ESR2: variants seen among roughly 807,000 people sequenced by gnomAD.
ESR2 encodes estrogen receptor 2.
Under a neutral mutation model 49.6 loss-of-function variants are expected in ESR2, and 36 were observed. The observed-to-expected ratio is 0.73, with a 90% CI of 0.56 to 0.96. The LOEUF (loss-of-function observed/expected upper bound fraction) is 0.96, where lower values mean the gene tolerates loss of function less well. ESR2 is among the 40% of genes least tolerant of loss of function. The pLI is 0.00. For missense variants in ESR2, 714 were observed against 693.0 expected (o/e 1.03, Z -0.34); for synonymous variants, 320 against 266.1 (o/e 1.20, Z -1.97).
chr14:64,236,259 A>C (rs2075596166), intron 7 of ESR2, among the ~76,000 whole-genome samples: 1 of 152,208 alleles, frequency 6.6e-6, no homozygotes, highest in African/African-American at 2.4e-5. Context: ...ATGTCTGATG[A>C]TACGAATTTA....
intron 6 of ESR2, among the ~76,000 whole-genome samples, chr14:64,254,296 C>G (rs1445311553): frequency 6.6e-6 from 1 of 152,080 alleles, no homozygotes; most frequent in Non-Finnish European, 1.5e-5. Context: ...TAATAGAAGT[C>G]TTTATGGAGC....
intron 6 of ESR2, among the ~76,000 whole-genome samples, chr14:64,250,557 T>G (rs1193372634): frequency 6.6e-6 from 1 of 152,210 alleles, no homozygotes; most frequent in East Asian, 1.9e-4. Context: ...TGGAAGTCCT[T>G]GACAAGCAGT....
intron 7 of ESR2, among the ~76,000 whole-genome samples, chr14:64,246,974 T>TCA (rs534946098): frequency 6.6e-6 from 1 of 152,196 alleles, no homozygotes; most frequent in Non-Finnish European, 1.5e-5. Flanking sequence ...CTCTGTACCT[T>TCA]CACATGGCCT....
chr14:64,314,681 C>T (rs1212092722), intron 1 of ESR2, among the ~76,000 whole-genome samples: 2 of 151,344 alleles, frequency 1.3e-5, no homozygotes, highest in East Asian at 3.9e-4. Context: ...AGTTCAAGAC[C>T]AGCCTGGCCA....
intron 1 of ESR2, chr14:64,336,485 C>T (rs1324604146): frequency 6.6e-6 from 1 of 152,120 alleles, no homozygotes. Context: ...ATTACTCTTT[C>T]TTTCACAGAA....
chr14:64,297,679 T>A (rs183723022), upstream of ESR2: 4 of 152,338 alleles, frequency 2.6e-5, no homozygotes, highest in African/African-American at 4.8e-5. Context: ...GAGGGAGAAT[T>A]TTCCGTAGGA....
chr14:64,236,358 CA>C (rs964589282), intron 7 of ESR2, among the ~76,000 whole-genome samples: 7 of 152,196 alleles, frequency 4.6e-5, no homozygotes, highest in Non-Finnish European at 7.3e-5. Context: ...AGAATCCCCC[CA>C]CAGCCTCAAA....
In ESR2 at chr14:64,282,658, C is replaced by T; in HGVS notation, c.328G>A (p.Ala110Thr). 2 of 1,609,430 alleles carry T rather than the reference C, an allele frequency of 1.2e-6. No individual in the cohort carries two copies. Among genetic ancestry groups the T allele is most frequent in the African/African-American group, 1.3e-5 (1 of 74,982 alleles). The change falls in exon 2 of 9, where the codon GCA becomes ACA. Residue 110 changes from alanine to threonine, a missense_variant. Physicochemically the swap from Ala to Thr is moderately conservative, Grantham distance 58. Coordinates refer to ENST00000341099, the MANE Select transcript of ESR2 (RefSeq NM_001437.3). ...AEPQKSPWCE[A>T]RSLEHTLPVN... ...GGTAAGGTGTGTTCTAGCGATCTTG[C>T]TTCACACCAGGGACTCTTTTGAGGT...
chr14:64,260,798 A>C lies in ESR2; in HGVS notation c.653-50T>G, dbSNP rs953635414. ...GAATTGCCAGGGTAAAACCGCAGTC[A>C]AGCAAAAGCAGCTTGACTTTTATTT... is the stretch of plus-strand genomic sequence containing the variant. On this transcript the variant is annotated intron_variant, in intron 4 of 8. Transcript: ENST00000341099. 4 of 1,414,442 alleles carry C rather than the reference A, an allele frequency of 2.8e-6. No individual in the cohort carries two copies. In the African/African-American group the frequency reaches 5.9e-5, roughly 21 times the overall value. The allele number at this position is 1,414,442 out of a possible 1,614,324, so 87.6% of individuals were successfully genotyped here. A position where few individuals can be genotyped will look rare whatever the true frequency, so the allele number is the denominator to read the frequency against.
intron 1 of ESR2, among the ~76,000 whole-genome samples, chr14:64,306,349 T>C (rs1445866323): frequency 6.6e-6 from 1 of 152,250 alleles, no homozygotes; most frequent in Non-Finnish European, 1.5e-5. Flanking sequence ...CACTCCGTCC[T>C]GTCCTTAAAA....
chr14:64,276,565 A>G (rs1326167610), intron 3 of ESR2, among the ~76,000 whole-genome samples: 3 of 152,244 alleles, frequency 2.0e-5, no homozygotes, highest in Non-Finnish European at 4.4e-5. Context: ...ACATCTGTCA[A>G]GAACTTTAAA....
At chr14:64,238,143 G>A (rs991728746) in intron 7 of ESR2, among the ~76,000 whole-genome samples, 8 of 152,146 alleles carry the variant, frequency 5.3e-5, no homozygotes, top group African/African-American at 1.9e-4. Flanking sequence ...TGTGTGCAAC[G>A]AAGTTTCCCC....
At chr14:64,284,194 G>T (rs1225504216) in intron 1 of ESR2, among the ~76,000 whole-genome samples, 1 of 152,042 alleles carries the variant, frequency 6.6e-6, no homozygotes, top group African/African-American at 2.4e-5. Context: ...CTCCCAAAGT[G>T]CTGGGATTAC....
At chr14:64,304,405 G>A (rs2077064041) in intron 1 of ESR2, among the ~76,000 whole-genome samples, 1 of 152,212 alleles carries the variant, frequency 6.6e-6, no homozygotes, top group Non-Finnish European at 1.5e-5. Flanking sequence ...GTAATGATCT[G>A]TGGGGGTCTT....
chr14:64,232,047 GGA>G lies in ESR2; in HGVS notation c.*1088_*1089del, dbSNP rs1256966501. The G allele has an allele frequency of 6.6e-6, 1 of 152,152 alleles. No homozygotes were observed. The highest frequency in any genetic ancestry group is 2.4e-5 in the African/African-American group (1 of 41,426). The allele number at this position is 152,152 out of a possible 1,614,324, so 9.4% of individuals were successfully genotyped here. On this transcript the variant is annotated 3_prime_UTR_variant, in exon 9 of 9. Coordinates refer to ENST00000341099, the MANE Select transcript of ESR2 (RefSeq NM_001437.3). ...ATTATCCCTAAATATTTCTCTTTAA[GGA>G]GAGTTCACAAACTGGGTCTTGTTCA...
intron 1 of ESR2, among the ~76,000 whole-genome samples, chr14:64,313,801 C>T (rs537606511): frequency 2.0e-5 from 3 of 151,010 alleles, no homozygotes; most frequent in African/African-American, 7.3e-5. Flanking sequence ...ATGGCATGAA[C>T]CCAGGAGGTG....
chr14:64,332,419 G>C (rs1299998764), intron 1 of ESR2: 1 of 152,186 alleles, frequency 6.6e-6, no homozygotes, highest in Non-Finnish European at 1.5e-5. Flanking sequence ...AATCTGGATA[G>C]AAAAGCTTTT....
intron 7 of ESR2, among the ~76,000 whole-genome samples, chr14:64,241,869 A>G (rs769351733): frequency 2.0e-5 from 3 of 152,170 alleles, no homozygotes; most frequent in Non-Finnish European, 2.9e-5. Context: ...TACCTTTCCA[A>G]TATTGATGCC....
intron 4 of ESR2, among the ~76,000 whole-genome samples, chr14:64,264,691 T>C (rs1047173064): frequency 2.6e-5 from 4 of 152,004 alleles, no homozygotes; most frequent in Non-Finnish European, 5.9e-5. Flanking sequence ...GGCAACATAG[T>C]GAAATCCTGT....
Sources: allele counts gnomAD v4.1 joint callset (sites outside exome capture counted in the v4.1 genomes callset), GRCh38; gene constraint gnomAD v4.1.1; transcripts MANE v1.5; gene names NCBI Gene and HGNC (gene_info 2026-07-23, HGNC 2026-07-21).